Variants in SLC12A2 observed in about 807,000 individuals in gnomAD.
SLC12A2 encodes Na-K-2Cl cotransporter 1.
In SLC12A2, 67 loss-of-function variants were observed where a neutral mutation model predicts 136.3. The ratio of observed to expected loss-of-function variants is 0.49; its 90% CI spans 0.40 to 0.60. SLC12A2 has a LOEUF of 0.60. Ranked by LOEUF, SLC12A2 falls within the 20% of genes least tolerant of loss-of-function variation. The pLI is 0.00. For missense variants in SLC12A2, 1,322 were observed against 1,534.7 expected, an observed-to-expected ratio of 0.86 and a Z score of 2.32; for synonymous variants, 619 against 562.9, an observed-to-expected ratio of 1.10 and a Z score of -1.41.
At chr5:128,176,910 G>A (rs528113970) in intron 20 of SLC12A2, among the ~76,000 whole-genome samples, 195 bp from the exon 21 acceptor site, 10 of 152,024 alleles carry the variant, frequency 6.6e-5, no homozygotes, top group African/African-American at 2.4e-4. Context: ...TGTAGGGGAG[G>A]GGTCTCAAAT....
At chr5:128,098,863 T>G (rs1220048194) in intron 1 of SLC12A2, among the ~76,000 whole-genome samples, 2 of 152,150 alleles carry the variant, frequency 1.3e-5, no homozygotes, top group Non-Finnish European at 2.9e-5. Context: ...TTATACTTTT[T>G]CTGAAGATTT....
intron 15 of SLC12A2, among the ~76,000 whole-genome samples, chr5:128,153,728 C>T (rs778297262): frequency 7.2e-5 from 11 of 152,018 alleles, no homozygotes; most frequent in South Asian, 2.1e-4. Context: ...AACCCTGAAA[C>T]GTAGATAAAT....
intron 4 of SLC12A2, among the ~76,000 whole-genome samples, chr5:128,123,185 A>T (rs1761653364): frequency 6.6e-6 from 1 of 152,230 alleles, no homozygotes; most frequent in East Asian, 1.9e-4. Context: ...TTAAAATTTA[A>T]TTGAATTATT....
Position 128,112,818 on chromosome 5 carries a change from C to G in SLC12A2, c.761C>G (p.Pro254Arg), listed in dbSNP as rs1161538202. The change falls in exon 2 of 27, where the codon CCT becomes CGT. Residue 254 changes from proline (P) to arginine (R), a missense_variant. Physicochemically the swap from Pro to Arg is moderately radical, Grantham distance 103 (BLOSUM62 -2). Coordinates refer to ENST00000262461, the MANE Select transcript of SLC12A2 (RefSeq NM_001046.3). ...AELHDELEKE[P>R]FEDGFANGEE... ...CATATTTCTTTTTATAACCAGGAAC[C>G]TTTTGAGGATGGCTTTGCAAATGGG... The G allele has an allele frequency of 3.0e-5, 48 of 1,604,974 alleles. No homozygotes were observed. Among genetic ancestry groups the G allele is most frequent in the Non-Finnish European group, 3.5e-5 (41 of 1,176,278 alleles).
At position 128,184,423 on chromosome 5, in the gene SLC12A2, G is replaced by A. The variant is rs748681200; in HGVS notation, c.3357G>A (p.Glu1119=). ...ACAGACTTCATGAAGATGATAAAGA[G>A]CAAGATATTGCAGATAAAATGAAAG... ...EPYRLHEDDK[E]QDIADKMKED... is the part of the protein sequence containing the mutation. Residue 1119 remains glutamate (E), a synonymous_variant, in exon 25 of 27, where the codon GAG becomes GAA. Transcript: ENST00000262461. 1 of 1,602,774 alleles carries A rather than the reference G, an allele frequency of 6.2e-7. No individual in the cohort carries two copies. Among genetic ancestry groups the A allele is most frequent in the African/African-American group, 1.3e-5 (1 of 74,532 alleles).
At chr5:128,136,397 A>C (rs1762194561) in intron 7 of SLC12A2, among the ~76,000 whole-genome samples, 2 of 152,048 alleles carry the variant, frequency 1.3e-5, no homozygotes, top group African/African-American at 4.8e-5. Flanking sequence ...AGTTTTGATG[A>C]CTTAGTCAAG....
chr5:128,187,584 C>G lies in SLC12A2; in HGVS notation c.*953C>G, dbSNP rs1246323776. 6.6e-6 allele frequency: 1 copy of G among 152,266 alleles called. No individual in the cohort carries two copies. The highest frequency in any genetic ancestry group is 1.5e-5 in the Non-Finnish European group (1 of 67,984). 9.4% of individuals were successfully genotyped at this position (152,266 alleles called of 1,614,324 possible). A position where few individuals can be genotyped will look rare whatever the true frequency, so the allele number is the denominator to read the frequency against. On this transcript the variant is annotated 3_prime_UTR_variant, in exon 27 of 27. Transcript: ENST00000262461. ...ATATTTCAGTATTTAAGTGGAATTT[C>G]AGTATACTGTACTATCCTTTATAAG... is the stretch of plus-strand genomic sequence containing the variant.
intron 4 of SLC12A2, among the ~76,000 whole-genome samples, chr5:128,127,438 A>G (rs999546919): frequency 1.8e-4 from 28 of 151,900 alleles, no homozygotes; most frequent in African/African-American, 6.5e-4. Flanking sequence ...TTCTTTTTTT[A>G]TAATAACCTT....
chr5:128,174,071 T>C (rs1237239979), intron 19 of SLC12A2, among the ~76,000 whole-genome samples: 1 of 152,172 alleles, frequency 6.6e-6, no homozygotes, highest in African/African-American at 2.4e-5. Flanking sequence ...ATTCACATAC[T>C]ATGTATTACT....
intron 21 of SLC12A2, 40 bp from the exon 22 acceptor site, chr5:128,178,524 ATAT>A: frequency 6.9e-7 from 1 of 1,448,776 alleles, no homozygotes; most frequent in South Asian, 1.4e-5. Flanking sequence ...AGGGACTTTA[ATAT>A]TTACTTTGCT....
At chr5:128,122,766 ATT>A (rs1329027907) in intron 4 of SLC12A2, among the ~76,000 whole-genome samples, 1 of 152,054 alleles carries the variant, frequency 6.6e-6, no homozygotes, top group African/African-American at 2.4e-5. Context: ...TGATTGTCAA[ATT>A]TTTTTGTTTT....
chr5:128,173,193 T>G (rs1480784055), intron 19 of SLC12A2, among the ~76,000 whole-genome samples: 2 of 152,186 alleles, frequency 1.3e-5, no homozygotes, highest in South Asian at 4.1e-4. Context: ...TTAAGGGCAG[T>G]CTGCAGTTTT....
At chr5:128,090,701 G>A (rs1417371402) in intron 1 of SLC12A2, among the ~76,000 whole-genome samples, 1 of 152,210 alleles carries the variant, frequency 6.6e-6, no homozygotes, top group African/African-American at 2.4e-5. Flanking sequence ...TGATATGTGA[G>A]CAGGCTCTAG....
At position 128,151,556 on chromosome 5, in the gene SLC12A2, GT is replaced by G. The variant is rs11331893; in HGVS notation, c.2263+172del. Among the ~76,000 whole-genome samples the G allele has an allele frequency of 0.15, 21,657 of 143,680 alleles. 1,758 individuals are homozygous for G. The highest frequency in any genetic ancestry group is 0.26 in the East Asian group (1,293 of 4,972). The allele number at this position is 143,680 out of a possible 152,430, so 94.3% of individuals were successfully genotyped here. A position where few individuals can be genotyped will look rare whatever the true frequency, so the allele number is the denominator to read the frequency against. ...AATACTTTATTTCCAAACTCCTAAA[GT>G]TTTTTTTTTTTCAAATACATGTAGT... On this transcript the variant is annotated intron_variant, in intron 14 of 26. Transcript: ENST00000262461.
At chr5:128,131,421 T>C (rs1439908878) in intron 5 of SLC12A2, among the ~76,000 whole-genome samples, 1 of 151,504 alleles carries the variant, frequency 6.6e-6, no homozygotes, top group African/African-American at 2.4e-5. Flanking sequence ...CCCAGCACTA[T>C]GGGAGGCCGA....
At chr5:128,186,461 G>T (rs1581147631) in intron 26 of SLC12A2, 35 bp from the exon 27 acceptor site, 18 of 1,323,414 alleles carry the variant, frequency 1.4e-5, no homozygotes, top group South Asian at 6.0e-5. Context: ...ATTGCTCAGG[G>T]TTTTTTTTTT....
At chr5:128,140,705 C>T (rs567037900) in intron 9 of SLC12A2, among the ~76,000 whole-genome samples, 8 of 150,186 alleles carry the variant, frequency 5.3e-5, no homozygotes, top group Admixed American at 2.0e-4. Flanking sequence ...ACCTTCCCCC[C>T]CCAAAAAATT....
intron 1 of SLC12A2, chr5:128,110,584 A>C: frequency 8.9e-7 from 1 of 1,121,152 alleles, no homozygotes; most frequent in Non-Finnish European, 1.4e-6. Context: ...GTATCAAATA[A>C]ATATTGATGG....
rs201480577 is a variant in SLC12A2, at chr5:128,111,434, G to T, written c.757-1380G>T. Among the ~76,000 whole-genome samples the T allele has an allele frequency of 5.3e-5, 8 of 152,248 alleles. No individual in the cohort carries two copies. In the East Asian group the frequency reaches 1.4e-3, roughly 26 times the overall value. On this transcript the variant is annotated intron_variant, in intron 1 of 26. Transcript: ENST00000262461. ...ATTATCATGTAGATTTTGCACTGTGGTAGCACAGAACTTGCTGCATCTCAT... is the reference window on the plus strand; with the variant it reads ...ATTATCATGTAGATTTTGCACTGTGTTAGCACAGAACTTGCTGCATCTCAT...
Sources: allele counts gnomAD v4.1 joint callset (sites outside exome capture counted in the v4.1 genomes callset), GRCh38; gene constraint gnomAD v4.1.1; transcripts MANE v1.5; gene names NCBI Gene and HGNC (gene_info 2026-07-23, HGNC 2026-07-21).